The following CCK variants were observed in gnomAD, a reference collection of about 807,000 sequenced individuals.
CCK encodes cholecystokinin triacontatriapeptide.
A neutral mutation model predicts 10.1 loss-of-function variants in CCK; 11 were observed. That is an observed-to-expected ratio of 1.09 (90% CI 0.69 to 1.81). CCK has a LOEUF of 1.81. Ranked by LOEUF, CCK falls within the 40% of genes most tolerant of loss-of-function variation. The pLI is 0.00. For missense variants in CCK, 137 were observed against 159.9 expected (o/e 0.86, Z 0.77); for synonymous variants, 83 against 71.9 (o/e 1.15, Z -0.78).
intron 3 of CCK, among the ~76,000 whole-genome samples, chr3:42,264,383 T>G (rs1711258819): frequency 6.6e-6 from 1 of 152,180 alleles, no homozygotes; most frequent in Admixed American, 6.5e-5. Context: ...AATATTTTAT[T>G]AGAAAAGATT....
At chr3:42,262,067 C>G (rs1250360415) in intron 4 of CCK, among the ~76,000 whole-genome samples, 1 of 152,104 alleles carries the variant, frequency 6.6e-6, no homozygotes, top group Non-Finnish European at 1.5e-5. Flanking sequence ...CAGAAGAACT[C>G]TGCAGAGCCA....
chr3:42,263,185 G>C (rs1711239404), intron 4 of CCK: 1 of 648,194 alleles, frequency 1.5e-6, no homozygotes, highest in South Asian at 1.8e-5. Context: ...AACTTAATCA[G>C]CAACACTGCT....
In CCK at chr3:42,263,453, C is replaced by A. The variant is rs1431487618; in HGVS notation, c.178G>T (p.Ala60Ser). The change falls in exon 4 of 5, where the codon GCC becomes TCC. Residue 60 changes from alanine to serine, a missense_variant. Physicochemically the swap from Ala to Ser is moderately conservative, Grantham distance 99. Coordinates refer to ENST00000396169, the MANE Select transcript of CCK (RefSeq NM_000729.6). Reference sequence around the variant, plus strand: ...TGCTGGATGTATCTTGCCAGCAGGGCGCCCAGGTGCGCTCGGGACTCGCCA... The same window carrying A: ...TGCTGGATGTATCTTGCCAGCAGGGAGCCCAGGTGCGCTCGGGACTCGCCA... Reference protein sequence around the residue: ...TDGESRAHLGALLARYIQQAR... With the variant: ...TDGESRAHLGSLLARYIQQAR... 1.2e-6 allele frequency: 2 copies of A among 1,614,144 alleles called. No individual in the cohort carries two copies. Among genetic ancestry groups the A allele is most frequent in the Non-Finnish European group, 1.7e-6 (2 of 1,180,004 alleles).
intron 3 of CCK, 29 bp from the exon 4 acceptor site, chr3:42,263,661 T>A: frequency 6.7e-7 from 1 of 1,496,190 alleles, no homozygotes; most frequent in African/African-American, 1.4e-5. Context: ...GAGGGCGCGT[T>A]AACTGAAAGG....
rs11571858 is a variant in CCK, at chr3:42,260,693, T to C, written c.215-2462A>G. Among the ~76,000 whole-genome samples, 471 of 152,300 alleles carry C rather than the reference T, an allele frequency of 3.1e-3. 1 individual carries two copies. Among genetic ancestry groups the C allele is most frequent in the Non-Finnish European group, 4.3e-3 (294 of 68,024 alleles). On this transcript the variant is annotated intron_variant, in intron 4 of 4. Coordinates refer to ENST00000396169, the MANE Select transcript of CCK (RefSeq NM_000729.6). ...CACACAAAGAATTGGAAGGGGCTTA[T>C]TGGAAAGCTAGCCTCGGGACTGTCT... is the stretch of plus-strand genomic sequence containing the variant.
intron 4 of CCK, among the ~76,000 whole-genome samples, chr3:42,258,506 C>T (rs150024449): frequency 6.6e-6 from 1 of 152,302 alleles, no homozygotes; most frequent in East Asian, 1.9e-4. Flanking sequence ...TTTCTCTAGC[C>T]TTGCAGTCTG....
At position 42,263,527 on chromosome 3, in the gene CCK, C is replaced by G; in HGVS notation, c.104G>C (p.Arg35Pro). Residue 35 changes from arginine (R) to proline (P), a missense_variant, in exon 4 of 5, where the codon CGG becomes CCG. Physicochemically the swap from Arg to Pro is moderately radical, Grantham distance 103. Coordinates refer to ENST00000396169, the MANE Select transcript of CCK (RefSeq NM_000729.6). ...PADPAGSGLQ[R>P]AEEAPRRQLR... Reference sequence around the variant, plus strand: ...CTGCCTACGGGGCGCCTCCTCTGCCCGCTGCAGCCCGGAGCCCGCGGGATC... The same window carrying G: ...CTGCCTACGGGGCGCCTCCTCTGCCGGCTGCAGCCCGGAGCCCGCGGGATC... 6.2e-7 allele frequency: 1 copy of G among 1,613,350 alleles called. No individual in the cohort carries two copies. The highest frequency in any genetic ancestry group is 1.7e-4 in the Middle Eastern group (1 of 6,052).
At chr3:42,258,263 C>G (rs774528172) in intron 4 of CCK, 32 bp from the exon 5 acceptor site, 14 of 1,600,314 alleles carry the variant, frequency 8.7e-6, no homozygotes, top group Non-Finnish European at 1.1e-5. Flanking sequence ...GAAACAGGGA[C>G]ATTGCATCTA....
chr3:42,264,086 G>A (rs1711254988), intron 3 of CCK: 1 of 157,306 alleles, frequency 6.4e-6, no homozygotes. Context: ...CTTTCAATAT[G>A]GAAATACAGT....
In CCK at chr3:42,258,958, G is replaced by A. The variant is rs542520543; in HGVS notation, c.215-727C>T. ...GCAAAGACTTGGAACCAATCTAAAT[G>A]CCCATCAATGATAGACTGGATAAAG... On this transcript the variant is annotated intron_variant, in intron 4 of 4. Coordinates refer to ENST00000396169, the MANE Select transcript of CCK (RefSeq NM_000729.6). Among the ~76,000 whole-genome samples the A allele has an allele frequency of 2.0e-5, 3 of 152,226 alleles. No individual in the cohort carries two copies. The South Asian group carries it at 6.2e-4, about 32-fold the overall frequency.
chr3:42,264,302 A>C (rs1228511592), intron 3 of CCK, among the ~76,000 whole-genome samples: 2 of 152,236 alleles, frequency 1.3e-5, no homozygotes, highest in Non-Finnish European at 2.9e-5. Context: ...AAACACCCTC[A>C]AGTTTCTATC....
intron 1 of CCK, 42 bp from the exon 2 acceptor site, chr3:42,265,479 A>G (rs954909039): frequency 5.9e-5 from 9 of 152,156 alleles, no homozygotes; most frequent in African/African-American, 1.9e-4. Context: ...GCTCAGAGGA[A>G]TCCGGTTTGG....
Position 42,263,512 on chromosome 3 carries a change from G to A in CCK, c.119C>T (p.Pro40Leu). The A allele has an allele frequency of 1.2e-6, 2 of 1,613,936 alleles. No homozygotes were observed. The highest frequency in any genetic ancestry group is 1.7e-6 in the Non-Finnish European group (2 of 1,179,950). ...CTGCGATACCCTCAGCTGCCTACGG[G>A]GCGCCTCCTCTGCCCGCTGCAGCCC... The part of the protein sequence containing the change: ...GSGLQRAEEA[P>L]RRQLRVSQRT... Residue 40 changes from proline (P) to leucine (L), a missense_variant, in exon 4 of 5, where the codon CCC becomes CTC. By Grantham distance (98) the Pro-to-Leu change is moderately conservative. Coordinates refer to ENST00000396169, the MANE Select transcript of CCK (RefSeq NM_000729.6).
At chr3:42,259,130 C>T (rs1171187039) in intron 4 of CCK, among the ~76,000 whole-genome samples, 2 of 151,790 alleles carry the variant, frequency 1.3e-5, no homozygotes, top group African/African-American at 4.8e-5. Flanking sequence ...CATGTTCTCA[C>T]TCATAAGTGG....
chr3:42,265,588 C>G (rs1419355585), intron 1 of CCK, 96 bp downstream of exon 1: 2 of 152,306 alleles, frequency 1.3e-5, no homozygotes, highest in Non-Finnish European at 2.9e-5. Context: ...TCCTGGGGAA[C>G]TTGACCACCG....
chr3:42,265,507 T>C (rs1711274150), intron 1 of CCK, 70 bp from the exon 2 acceptor site: 1 of 152,172 alleles, frequency 6.6e-6, no homozygotes, highest in Non-Finnish European at 1.5e-5. Flanking sequence ...ATGTGTTTTC[T>C]TCCCGGGCCA....
At chr3:42,263,234 C>G (rs1711239943) in intron 4 of CCK, 183 bp downstream of exon 4, 1 of 883,782 alleles carries the variant, frequency 1.1e-6, no homozygotes, top group African/African-American at 1.7e-5. Context: ...GAAGGTTCCC[C>G]TTACTTATAA....
chr3:42,262,217 C>CTTGTT (rs1711225428), intron 4 of CCK, among the ~76,000 whole-genome samples: 1 of 101,246 alleles, frequency 9.9e-6, no homozygotes, highest in East Asian at 3.0e-4. Context: ...TTGCTAAGTT[C>CTTGTT]TTTTTTTTTT....
In CCK at chr3:42,266,028, GC is replaced by G. The variant is rs1184016872; in HGVS notation, c.-728del. 1.3e-5 allele frequency: 2 copies of G among 152,312 alleles called. No homozygotes were observed. Among genetic ancestry groups the G allele is most frequent in the Non-Finnish European group, 2.9e-5 (2 of 68,114 alleles). The allele number at this position is 152,312 out of a possible 1,614,324, so 9.4% of individuals were successfully genotyped here. ...CTCGCCCTCTCCGTGCACCGAGGCCGCCCAGCCTGGGACCTGGAGATCACCA... is the reference window on the plus strand; with the variant it reads ...CTCGCCCTCTCCGTGCACCGAGGCCGCCAGCCTGGGACCTGGAGATCACCA... On this transcript the variant is annotated 5_prime_UTR_variant, in exon 1 of 5. Coordinates refer to ENST00000396169, the MANE Select transcript of CCK (RefSeq NM_000729.6).
Sources: gnomAD v4.1 joint callset for allele counts (sites outside exome capture counted in the v4.1 genomes callset) on GRCh38, gnomAD v4.1.1 for gene constraint, MANE v1.5 for transcripts, NCBI Gene and HGNC (gene_info 2026-07-23, HGNC 2026-07-21) for gene names.